The following CCDC148 variants were observed in gnomAD, a reference collection of about 807,000 sequenced individuals.
CCDC148 encodes coiled-coil domain containing 148, also known as coiled-coil domain-containing protein 148.
A neutral mutation model predicts 85.7 loss-of-function variants in CCDC148; 89 were observed. The observed-to-expected ratio is 1.04, with a 90% CI of 0.87 to 1.24. CCDC148 has a LOEUF of 1.24. Among genes scored for constraint, CCDC148 ranks in the 50% most tolerant of loss-of-function variants. The pLI is 0.00. For synonymous variants in CCDC148, 230 were observed against 213.9 expected (o/e 1.08, Z -0.66); for missense variants, 692 against 671.7 (o/e 1.03, Z -0.33).
intron 12 of CCDC148, 137 bp downstream of exon 12, chr2:158,178,742 G>T: frequency 1.6e-6 from 1 of 626,594 alleles, no homozygotes; most frequent in Non-Finnish European, 2.8e-6. Context: ...GGAATGAACA[G>T]CAGTATCCCC....
At chr2:158,430,065 TG>T (rs1687269889) in intron 1 of CCDC148, among the ~76,000 whole-genome samples, 3 of 152,202 alleles carry the variant, frequency 2.0e-5, no homozygotes, top group South Asian at 4.2e-4. Context: ...TACTGAGAGG[TG>T]TGTGCGGAGA....
intron 1 of CCDC148, among the ~76,000 whole-genome samples, chr2:158,404,623 G>T (rs1466713550): frequency 1.3e-5 from 2 of 152,154 alleles, no homozygotes; most frequent in East Asian, 3.9e-4. Context: ...CCATTTTTGA[G>T]ATCTGTATAT....
intron 11 of CCDC148, among the ~76,000 whole-genome samples, chr2:158,180,013 A>G (rs755168129): frequency 6.6e-6 from 1 of 152,154 alleles, no homozygotes; most frequent in Non-Finnish European, 1.5e-5. Context: ...TCCTTGCCCA[A>G]GCTATACTTC....
chr2:158,358,320 T>C (rs1683762834), intron 2 of CCDC148, 129 bp downstream of exon 2: 4 of 1,072,552 alleles, frequency 3.7e-6, no homozygotes, highest in Non-Finnish European at 5.4e-6. Context: ...TGCTATTCAC[T>C]ATTATTTCTA....
At chr2:158,327,757 A>G (rs982993301) in intron 7 of CCDC148, among the ~76,000 whole-genome samples, 1 of 152,136 alleles carries the variant, frequency 6.6e-6, no homozygotes, top group Non-Finnish European at 1.5e-5. Context: ...AAATATCTCT[A>G]TAATTATTCA....
chr2:158,400,191 A>C (rs932527495), intron 1 of CCDC148, among the ~76,000 whole-genome samples: 4 of 152,240 alleles, frequency 2.6e-5, no homozygotes, highest in Non-Finnish European at 5.9e-5. Flanking sequence ...CTTTCTTCAC[A>C]GAATTCGAAT....
intron 9 of CCDC148, among the ~76,000 whole-genome samples, chr2:158,256,120 A>G (rs958804246): frequency 6.6e-6 from 1 of 151,856 alleles, no homozygotes; most frequent in African/African-American, 2.4e-5. Flanking sequence ...AAAGGTAATG[A>G]TTGAAATTAA....
intron 1 of CCDC148, among the ~76,000 whole-genome samples, chr2:158,432,970 G>A (rs1468399917): frequency 6.7e-6 from 1 of 149,946 alleles, no homozygotes; most frequent in Non-Finnish European, 1.5e-5. Flanking sequence ...GGGTGCAATG[G>A]CTCACACCTG....
intron 1 of CCDC148, among the ~76,000 whole-genome samples, chr2:158,455,938 T>C (rs79910204): frequency 0.089 from 13,520 of 152,248 alleles, 797 homozygotes; most frequent in Middle Eastern, 0.2. Flanking sequence ...TACTGGAAAA[T>C]AGAAAACAAA....
At chr2:158,441,483 T>C (rs527967048) in intron 1 of CCDC148, among the ~76,000 whole-genome samples, 7 of 152,212 alleles carry the variant, frequency 4.6e-5, no homozygotes, top group African/African-American at 1.4e-4. Flanking sequence ...AGTTGACTTA[T>C]ACATACAGAA....
intron 1 of CCDC148, chr2:158,420,195 C>A (rs539076611): frequency 2.6e-5 from 4 of 152,112 alleles, no homozygotes; most frequent in African/African-American, 9.7e-5. Context: ...TCCAGGAGAA[C>A]CTCCCCAACC....
chr2:158,429,324 T>C (rs1195397410), intron 1 of CCDC148, among the ~76,000 whole-genome samples: 6 of 151,966 alleles, frequency 3.9e-5, no homozygotes, highest in Non-Finnish European at 8.8e-5. Context: ...TTGGTGATCT[T>C]TAATGTCATA....
rs1166799141 is a variant in CCDC148 at position 158,309,637 on chromosome 2, A to C, written c.906T>G (p.Val302=). ...YFPHKSRHDL[V]EHEKYCDQYR... is the part of the protein sequence containing the mutation. ...ATTGGTCACAATATTTCTCGTGTTC[A>C]ACCTGAAAAGATAACAGAGGGTGAA... The change falls in exon 9 of 14, where the codon GTT becomes GTG. Residue 302 remains valine, a splice_region_variant and synonymous_variant. Coordinates refer to ENST00000283233, the MANE Select transcript of CCDC148 (RefSeq NM_138803.4). 2 of 1,608,258 alleles carry C rather than the reference A, an allele frequency of 1.2e-6. No individual in the cohort carries two copies. Among genetic ancestry groups the C allele is most frequent in the Admixed American group, 1.7e-5 (1 of 59,734 alleles).
intron 3 of CCDC148, among the ~76,000 whole-genome samples, chr2:158,342,048 G>C (rs1158320891): frequency 3.7e-5 from 1 of 26,784 alleles, no homozygotes; most frequent in African/African-American, 1.1e-4. Flanking sequence ...TTTTTTTTTT[G>C]AGAAGGAGTC....
At chr2:158,240,473 C>CACACAA (rs1688308716) in intron 10 of CCDC148, among the ~76,000 whole-genome samples, 1 of 151,454 alleles carries the variant, frequency 6.6e-6, no homozygotes, top group Admixed American at 6.6e-5. Context: ...CACACACACA[C>CACACAA]ACACACACAC....
At chr2:158,326,434 G>C (rs1296057496) in intron 7 of CCDC148, among the ~76,000 whole-genome samples, 2 of 151,904 alleles carry the variant, frequency 1.3e-5, no homozygotes, top group African/African-American at 4.8e-5. Flanking sequence ...TTATGTTTAT[G>C]GTTTTCAGCA....
At chr2:158,185,478 C>T (rs16842712) in intron 11 of CCDC148, among the ~76,000 whole-genome samples, 8,408 of 152,160 alleles carry the variant, frequency 0.055, 776 homozygotes, top group African/African-American at 0.19. Flanking sequence ...GGTTGGATAT[C>T]TTATCACAAT....
intron 1 of CCDC148, among the ~76,000 whole-genome samples, chr2:158,377,258 G>A (rs1384846456): frequency 2.6e-5 from 4 of 151,842 alleles, no homozygotes; most frequent in East Asian, 1.9e-4. Context: ...TCTGCCTGGA[G>A]GGGTAGGGTG....
chr2:158,179,480 G>A (rs566483790), intron 11 of CCDC148, among the ~76,000 whole-genome samples: 10 of 152,096 alleles, frequency 6.6e-5, no homozygotes, highest in East Asian at 5.8e-4. Context: ...ACAGGAAAGC[G>A]TGGGAGTAAA....
Sources: allele counts gnomAD v4.1 joint callset (sites outside exome capture counted in the v4.1 genomes callset), GRCh38; gene constraint gnomAD v4.1.1; transcripts MANE v1.5; gene names NCBI Gene and HGNC (gene_info 2026-07-23, HGNC 2026-07-21).